C8B: variants seen among roughly 807,000 people sequenced by gnomAD.
C8B encodes complement C8 beta chain.
C8B carries 67 observed loss-of-function variants against 64.6 expected under a neutral mutation model. That is an observed-to-expected ratio of 1.04 (90% CI 0.85 to 1.27). C8B has a LOEUF of 1.27. Among genes scored for constraint, C8B ranks in the 50% most tolerant of loss-of-function variants. The probability of loss-of-function intolerance (pLI) is 0.00; values close to 1 mark genes in which losing one functional copy is unlikely to be tolerated. For synonymous variants in C8B, 284 were observed against 257.7 expected, an observed-to-expected ratio of 1.10 and a Z score of -0.98; for missense variants, 790 against 725.2, an observed-to-expected ratio of 1.09 and a Z score of -1.03.
intron 9 of C8B, among the ~76,000 whole-genome samples, chr1:56,934,474 G>C (rs1310546690): frequency 6.6e-6 from 1 of 152,158 alleles, no homozygotes; most frequent in Non-Finnish European, 1.5e-5. Context: ...AGTCCAAATA[G>C]ATAGTTAAAA....
At chr1:56,930,328 T>A (rs975371311) in intron 11 of C8B, among the ~76,000 whole-genome samples, 3 of 152,216 alleles carry the variant, frequency 2.0e-5, no homozygotes, top group African/African-American at 7.2e-5. Flanking sequence ...AAGTCATCAA[T>A]CACTTCCATC....
intron 1 of C8B, chr1:56,963,846 C>G (rs145904606): frequency 7.1e-6 from 7 of 984,992 alleles, no homozygotes; most frequent in Non-Finnish European, 2.4e-6. Flanking sequence ...ATAGGTCTTA[C>G]GACACAGTGA....
At chr1:56,949,515 A>G in intron 6 of C8B, 40 bp downstream of exon 6, 1 of 1,534,710 alleles carries the variant, frequency 6.5e-7, no homozygotes, top group Non-Finnish European at 9.0e-7. Flanking sequence ...AAATGGAGTA[A>G]GACAACATAT....
intron 1 of C8B, among the ~76,000 whole-genome samples, chr1:56,964,296 A>G (rs1020971040): frequency 9.9e-5 from 15 of 152,090 alleles, no homozygotes; most frequent in African/African-American, 3.1e-4. Flanking sequence ...CAACTCTTCA[A>G]TGGCTTCCCA....
chr1:56,954,450 C>A (rs1477704555), intron 4 of C8B, among the ~76,000 whole-genome samples: 2 of 152,232 alleles, frequency 1.3e-5, no homozygotes, highest in African/African-American at 4.8e-5. Flanking sequence ...ATGCACAGCT[C>A]TGTCCCAGTG....
intron 9 of C8B, among the ~76,000 whole-genome samples, chr1:56,934,625 C>T (rs559701401): frequency 1.3e-5 from 2 of 152,262 alleles, no homozygotes; most frequent in East Asian, 3.9e-4. Context: ...AGAAGCCTCC[C>T]TTGGGAAGAA....
In C8B at chr1:56,946,044, A is replaced by T; in HGVS notation, c.882T>A (p.His294Gln). ...RFSHTKSVFL[H>Q]ARSDLEVAHY... is the part of the protein sequence containing the mutation. ...GTGCTACTTCAAGGTCAGAGCGTGC[A>T]TGCAGAAATACGCTTTTCTAAATGA... The change falls in exon 7 of 12, where the codon CAT becomes CAA. Residue 294 changes from histidine to glutamine, a missense_variant. By Grantham distance (24) the His-to-Gln change is conservative. Transcript: ENST00000371237. The T allele has an allele frequency of 1.2e-6, 2 of 1,614,156 alleles. No homozygotes were observed. The highest frequency in any genetic ancestry group is 4.5e-5 in the East Asian group (2 of 44,872).
chr1:56,964,251 T>C (rs780341242), intron 1 of C8B, among the ~76,000 whole-genome samples: 1 of 152,216 alleles, frequency 6.6e-6, no homozygotes, highest in Non-Finnish European at 1.5e-5. Flanking sequence ...GTGAACTTCC[T>C]AATATATATA....
chr1:56,943,654 T>G (rs41286846), intron 8 of C8B, 42 bp downstream of exon 8: 1 of 1,611,412 alleles, frequency 6.2e-7, no homozygotes, highest in African/African-American at 1.3e-5. Context: ...ACTAGGAGGA[T>G]AAACATTATA....
intron 8 of C8B, among the ~76,000 whole-genome samples, chr1:56,941,289 T>C (rs891426073): frequency 6.6e-6 from 1 of 152,110 alleles, no homozygotes; most frequent in Admixed American, 6.5e-5. Context: ...TTATGGAAGA[T>C]AGATGATAGC....
At chr1:56,946,385 A>C (rs1644943000) in intron 6 of C8B, among the ~76,000 whole-genome samples, 1 of 152,192 alleles carries the variant, frequency 6.6e-6, no homozygotes, top group Non-Finnish European at 1.5e-5. Context: ...GGGGTTTGCT[A>C]ACCTGCAAAA....
intron 11 of C8B, among the ~76,000 whole-genome samples, chr1:56,930,932 A>C (rs1317382356): frequency 8.5e-5 from 13 of 152,216 alleles, no homozygotes; most frequent in Admixed American, 8.5e-4. Context: ...GATCATATTC[A>C]TCTTACAGGC....
intron 7 of C8B, among the ~76,000 whole-genome samples, chr1:56,944,161 T>C (rs1048893812): frequency 6.6e-6 from 1 of 152,214 alleles, no homozygotes; most frequent in Non-Finnish European, 1.5e-5. Context: ...CAGTGACTGT[T>C]ACAATCTGCC....
chr1:56,943,314 A>G (rs570119506), intron 8 of C8B, among the ~76,000 whole-genome samples: 23 of 152,310 alleles, frequency 1.5e-4, no homozygotes, highest in Non-Finnish European at 2.9e-4. Context: ...TCAGAGCAGC[A>G]TCAGTTATAA....
chr1:56,955,200 C>G (rs1277001754), intron 3 of C8B, among the ~76,000 whole-genome samples: 1 of 152,116 alleles, frequency 6.6e-6, no homozygotes, highest in Non-Finnish European at 1.5e-5. Flanking sequence ...AAGTAAAATA[C>G]CTATCCCATA....
rs955039212 is a variant in C8B at position 56,956,257 on chromosome 1, C to T, written c.391+512G>A. On this transcript the variant is annotated intron_variant, in intron 3 of 11. Coordinates refer to ENST00000371237, the MANE Select transcript of C8B (RefSeq NM_000066.4). ...CAGACCTCTGAGAGAGCTAAGGGAG[C>T]CAACAGTCTACAAAGAGCTCTCATA... Among the ~76,000 whole-genome samples the T allele has an allele frequency of 3.0e-4, 46 of 152,170 alleles. 2 individuals are homozygous for T. Among genetic ancestry groups the T allele is most frequent in the Non-Finnish European group, 1.5e-5 (1 of 68,042 alleles).
At chr1:56,965,153 C>A (rs1461335115) in intron 1 of C8B, among the ~76,000 whole-genome samples, 8 of 152,142 alleles carry the variant, frequency 5.3e-5, no homozygotes, top group Non-Finnish European at 1.2e-4. Flanking sequence ...GGAGTGTTTA[C>A]ATGGAGGCCG....
chr1:56,943,165 T>C (rs1173888760), intron 8 of C8B, among the ~76,000 whole-genome samples: 4 of 152,076 alleles, frequency 2.6e-5, no homozygotes, highest in Non-Finnish European at 5.9e-5. Flanking sequence ...TATAAATTGG[T>C]ACAGCCATTT....
chr1:56,963,880 A>AT, intron 1 of C8B: 1 of 985,430 alleles, frequency 1.0e-6, no homozygotes, highest in African/African-American at 1.7e-5. Context: ...ATCTGACTTG[A>AT]TTACAAGAGT....
Sources: gnomAD v4.1 joint callset for allele counts (sites outside exome capture counted in the v4.1 genomes callset) on GRCh38, gnomAD v4.1.1 for gene constraint, MANE v1.5 for transcripts, NCBI Gene and HGNC (gene_info 2026-07-23, HGNC 2026-07-21) for gene names.